SGPP2: variants seen among roughly 807,000 people sequenced by gnomAD.
SGPP2 encodes the protein sphingosine-1-phosphate phosphatase 2, also known as sphingosine 1-phosphate phosphohydrolase 2.
In SGPP2, 30 loss-of-function variants were observed where a neutral mutation model predicts 33.9. That is an observed-to-expected ratio of 0.89 (90% CI 0.66 to 1.20). The LOEUF (loss-of-function observed/expected upper bound fraction) is 1.20, where lower values mean the gene tolerates loss of function less well. Among genes scored for constraint, SGPP2 ranks in the 50% most tolerant of loss-of-function variants. The pLI is 0.00. For missense variants in SGPP2, 458 were observed against 532.1 expected (o/e 0.86, Z 1.37); for synonymous variants, 233 against 225.0 (o/e 1.04, Z -0.32).
intron 4 of SGPP2, among the ~76,000 whole-genome samples, chr2:222,547,206 C>T (rs1689217940): frequency 6.6e-6 from 1 of 152,182 alleles, no homozygotes; most frequent in Admixed American, 6.5e-5. Context: ...TCTGCCCACC[C>T]AGATTTGAGC....
intron 1 of SGPP2, among the ~76,000 whole-genome samples, chr2:222,430,513 C>G (rs1417812615): frequency 2.6e-5 from 4 of 152,142 alleles, no homozygotes; most frequent in Non-Finnish European, 5.9e-5. Flanking sequence ...GAGACAGGGT[C>G]TCACTATGTT....
At chr2:222,486,199 G>T (rs1325004703) in intron 2 of SGPP2, among the ~76,000 whole-genome samples, 1 of 152,160 alleles carries the variant, frequency 6.6e-6, no homozygotes, top group Non-Finnish European at 1.5e-5. Context: ...GCCAGCTGAG[G>T]CTACCTCTGG....
At chr2:222,471,185 C>G (rs752668935) in intron 1 of SGPP2, among the ~76,000 whole-genome samples, 1 of 152,134 alleles carries the variant, frequency 6.6e-6, no homozygotes, top group African/African-American at 2.4e-5. Context: ...AACTGTCTCC[C>G]GGTAGTCCTG....
intron 1 of SGPP2, 75 bp downstream of exon 1, chr2:222,424,896 C>T: frequency 1.7e-6 from 2 of 1,181,056 alleles, no homozygotes; most frequent in African/African-American, 1.6e-5. Context: ...GACTCCGCCA[C>T]GCGGGGCCGG....
chr2:222,518,584 C>A (rs931413838), intron 2 of SGPP2, among the ~76,000 whole-genome samples: 11 of 152,094 alleles, frequency 7.2e-5, no homozygotes, highest in Non-Finnish European at 1.3e-4. Flanking sequence ...GTCGGTAATA[C>A]CTGCCAGTTT....
chr2:222,453,368 T>A (rs1697522401), intron 1 of SGPP2, among the ~76,000 whole-genome samples: 1 of 152,204 alleles, frequency 6.6e-6, no homozygotes, highest in African/African-American at 2.4e-5. Context: ...GCGTTAAGAC[T>A]TTTCTGGAAG....
At chr2:222,469,754 C>T (rs1162033128) in intron 1 of SGPP2, among the ~76,000 whole-genome samples, 2 of 152,174 alleles carry the variant, frequency 1.3e-5, no homozygotes, top group South Asian at 2.1e-4. Flanking sequence ...AAGTCACACA[C>T]ACTGAGATTT....
chr2:222,433,810 A>G (rs1697195185), intron 1 of SGPP2, among the ~76,000 whole-genome samples: 1 of 152,222 alleles, frequency 6.6e-6, no homozygotes, highest in Admixed American at 6.5e-5. Flanking sequence ...GAAGGGAGGT[A>G]TTGCTAAAAA....
chr2:222,480,173 T>G (rs571546356), intron 2 of SGPP2, among the ~76,000 whole-genome samples: 1 of 152,332 alleles, frequency 6.6e-6, no homozygotes, highest in Admixed American at 6.5e-5. Context: ...TATATTTCTG[T>G]ATCTTTAAAA....
At chr2:222,436,442 G>T (rs930836780) in intron 1 of SGPP2, among the ~76,000 whole-genome samples, 1 of 152,120 alleles carries the variant, frequency 6.6e-6, no homozygotes, top group African/African-American at 2.4e-5. Context: ...AGGCCTTCTG[G>T]AGAACTTTGC....
At chr2:222,558,277 G>T (rs1689451253) in intron 4 of SGPP2, 70 bp from the exon 5 acceptor site, 2 of 1,485,494 alleles carry the variant, frequency 1.3e-6, no homozygotes, top group Non-Finnish European at 1.8e-6. Flanking sequence ...AGCCATACTT[G>T]ATTCAAATTA....
At chr2:222,442,344 A>C (rs1457937775) in intron 1 of SGPP2, among the ~76,000 whole-genome samples, 1 of 152,218 alleles carries the variant, frequency 6.6e-6, no homozygotes, top group Non-Finnish European at 1.5e-5. Context: ...GTTTCTCTTC[A>C]TCTGGTGACA....
intron 2 of SGPP2, among the ~76,000 whole-genome samples, chr2:222,514,836 C>T (rs1229961499): frequency 6.6e-6 from 1 of 152,170 alleles, no homozygotes; most frequent in African/African-American, 2.4e-5. Flanking sequence ...AGAATGTCCC[C>T]CAGGAGAGCA....
chr2:222,504,541 G>C (rs1183830020), intron 2 of SGPP2: 1 of 152,334 alleles, frequency 6.6e-6, no homozygotes, highest in South Asian at 2.1e-4. Context: ...TGCTAGCCTT[G>C]TCTAAGACGG....
At chr2:222,516,853 C>T (rs946885106) in intron 2 of SGPP2, among the ~76,000 whole-genome samples, 1 of 152,184 alleles carries the variant, frequency 6.6e-6, no homozygotes, top group South Asian at 2.1e-4. Flanking sequence ...TCACTTTCTA[C>T]GTGCCAGGTA....
At chr2:222,430,203 T>A (rs1466857843) in intron 1 of SGPP2, among the ~76,000 whole-genome samples, 3 of 152,170 alleles carry the variant, frequency 2.0e-5, no homozygotes, top group Non-Finnish European at 4.4e-5. Context: ...AAAGAGTGGG[T>A]AGGAATCAAA....
Position 222,424,768 on chromosome 2 carries a change from G to A in SGPP2, c.166G>A (p.Gly56Ser), listed in dbSNP as rs544203195. The A allele has an allele frequency of 1.4e-4, 192 of 1,403,546 alleles. No homozygotes were observed. The highest frequency in any genetic ancestry group is 7.6e-4 in the Middle Eastern group (3 of 3,970). The allele number at this position is 1,403,546 out of a possible 1,614,324, so 86.9% of individuals were successfully genotyped here. Reference protein sequence around the residue: ...PGVEHLPAANGKGGEAPANGL... With the variant: ...PGVEHLPAANSKGGEAPANGL... ...GGTCGAGCATCTCCCCGCAGCCAAC[G>A]GCAAGGGCGGCGAGGCTCCGGCCAA... The change falls in exon 1 of 5, where the codon GGC (glycine) becomes AGC (serine). Residue 56 changes from glycine to serine, a missense_variant. By Grantham distance (56) the Gly-to-Ser change is moderately conservative. Transcript: ENST00000321276.
chr2:222,463,196 CTGAT>C (rs1173415097), intron 1 of SGPP2, among the ~76,000 whole-genome samples: 1 of 152,224 alleles, frequency 6.6e-6, no homozygotes, highest in Non-Finnish European at 1.5e-5. Flanking sequence ...CCATCCCTGA[CTGAT>C]CACGGATATC....
intron 1 of SGPP2, among the ~76,000 whole-genome samples, chr2:222,458,136 A>C (rs938899930): frequency 6.6e-6 from 1 of 151,954 alleles, no homozygotes; most frequent in African/African-American, 2.4e-5. Context: ...CTACGGCCTC[A>C]ACCTCCCACT....
Sources: allele counts gnomAD v4.1 joint callset (sites outside exome capture counted in the v4.1 genomes callset), GRCh38; gene constraint gnomAD v4.1.1; transcripts MANE v1.5; gene names NCBI Gene and HGNC (gene_info 2026-07-23, HGNC 2026-07-21).